The following DHX33 variants were observed in gnomAD, a reference collection of about 807,000 sequenced individuals.
DHX33 encodes the protein DEAH-box helicase 33.
A neutral mutation model predicts 72.5 loss-of-function variants in DHX33; 42 were observed. The ratio of observed to expected loss-of-function variants is 0.58; its 90% CI spans 0.45 to 0.75. The LOEUF is 0.75. Ranked by LOEUF, DHX33 falls within the 30% of genes least tolerant of loss-of-function variation. The probability of loss-of-function intolerance (pLI) is 0.00; values close to 1 mark genes in which losing one functional copy is unlikely to be tolerated. For missense variants in DHX33, 842 were observed against 917.5 expected, an observed-to-expected ratio of 0.92 and a Z score of 1.06; for synonymous variants, 358 against 366.1, an observed-to-expected ratio of 0.98 and a Z score of 0.25.
At position 5,453,629 on chromosome 17, in the gene DHX33, C is replaced by T; in HGVS notation, c.1347G>A (p.Met449Ile). 1.2e-6 allele frequency: 2 copies of T among 1,614,186 alleles called. No individual in the cohort carries two copies. Among genetic ancestry groups the T allele is most frequent in the Non-Finnish European group, 1.7e-6 (2 of 1,180,034 alleles). ...CAAAGGTGAGCACATTTGGGACTTT[C>T]ATTGCTAGAAGCTGAAGCATCACAC... The part of the protein sequence containing the change: ...LASVMLQLLA[M>I]KVPNVLTFDF... The change falls in exon 8 of 12, where the codon ATG becomes ATA. Residue 449 changes from methionine (M) to isoleucine (I), a missense_variant. Met to Ile is a conservative substitution (Grantham distance 10, BLOSUM62 1). Coordinates refer to ENST00000225296, the MANE Select transcript of DHX33 (RefSeq NM_020162.4).
chr17:5,468,482 CG>C lies in DHX33; in HGVS notation c.289+88del, dbSNP rs535271534. The C allele has an allele frequency of 1.4e-4, 202 of 1,464,254 alleles. No individual in the cohort carries two copies. In the African/African-American group the frequency reaches 2.6e-3, roughly 19 times the overall value. 90.7% of individuals were successfully genotyped at this position (1,464,254 alleles called of 1,614,324 possible). On this transcript the variant is annotated intron_variant, in intron 1 of 11. Transcript: ENST00000225296. Reference sequence around the variant, plus strand: ...TATTCAGGTTTGTTGAAGCCACGAACGAAAGGGATTGAGAGGCATGTAAGAA... The same window carrying C: ...TATTCAGGTTTGTTGAAGCCACGAACAAAGGGATTGAGAGGCATGTAAGAA...
Position 5,453,668 on chromosome 17 carries a change from C to T in DHX33, c.1308G>A (p.Arg436=). The change falls in exon 8 of 12, where the codon AGG becomes AGA. Residue 436 remains arginine, a splice_region_variant and synonymous_variant. Coordinates refer to ENST00000225296, the MANE Select transcript of DHX33 (RefSeq NM_020162.4). ...GAAGCATCACACTGGCCAGGTTACA[C>T]CTGTGAAGAGCATGAGACCAGGGTC... is the stretch of plus-strand genomic sequence containing the variant. The part of the protein sequence containing the change: ...FDKMTVPEIQ[R]CNLASVMLQL... 1 of 1,614,160 alleles carries T rather than the reference C, an allele frequency of 6.2e-7. No individual in the cohort carries two copies. The highest frequency in any genetic ancestry group is 8.5e-7 in the Non-Finnish European group (1 of 1,180,022).
chr17:5,451,422 T>C lies in DHX33; in HGVS notation c.1397-488A>G, dbSNP rs185301094. The stretch of plus-strand genomic sequence containing the variant: ...GCCCAGCCTCAATTTTCTTTTTAAA[T>C]GACCTGTAATTTGGCAATATGTATG... On this transcript the variant is annotated intron_variant, in intron 8 of 11. Coordinates refer to ENST00000225296, the MANE Select transcript of DHX33 (RefSeq NM_020162.4). 5.3e-5 allele frequency among the ~76,000 whole-genome samples: 8 copies of C among 152,250 alleles called. No individual in the cohort carries two copies. In the East Asian group the frequency reaches 1.5e-3, roughly 29 times the overall value.
chr17:5,451,937 A>G (rs1255919986), intron 8 of DHX33, among the ~76,000 whole-genome samples: 8 of 152,236 alleles, frequency 5.3e-5, no homozygotes, highest in Admixed American at 5.2e-4. Context: ...CGCTTACTCA[A>G]GAATAACTAA....
intron 1 of DHX33, among the ~76,000 whole-genome samples, chr17:5,465,964 A>G (rs1904861944): frequency 6.6e-6 from 1 of 152,082 alleles, no homozygotes; most frequent in Admixed American, 6.6e-5. Context: ...CTCCTCTTCC[A>G]GACCAGCCCT....
intron 4 of DHX33, among the ~76,000 whole-genome samples, chr17:5,457,192 C>T (rs2151688471): frequency 6.6e-6 from 1 of 152,304 alleles, no homozygotes. Flanking sequence ...CCTGTAATCC[C>T]AGCTACTCAG....
chr17:5,460,876 T>C (rs1255220595), intron 4 of DHX33, 63 bp downstream of exon 4: 9 of 1,533,266 alleles, frequency 5.9e-6, no homozygotes, highest in Non-Finnish European at 8.0e-6. Context: ...CAAGGCTCAA[T>C]GTTCTCACTA....
chr17:5,446,940 A>T (rs1188628790), intron 11 of DHX33, among the ~76,000 whole-genome samples: 1 of 152,228 alleles, frequency 6.6e-6, no homozygotes, highest in Non-Finnish European at 1.5e-5. Flanking sequence ...ATGAGAAGAA[A>T]CAGCTCTAGT....
rs77195858 is a variant in DHX33 at position 5,443,126 on chromosome 17, C to G, written c.*1079G>C. ...CTTCACTGAACTGCCCCCCACCCCC[C>G]CCGCCCACACACCAAAAAAGATACA... On this transcript the variant is annotated 3_prime_UTR_variant, in exon 12 of 12. Coordinates refer to ENST00000225296, the MANE Select transcript of DHX33 (RefSeq NM_020162.4). 2.8e-5 allele frequency: 4 copies of G among 144,138 alleles called. No individual in the cohort carries two copies. Among genetic ancestry groups the G allele is most frequent in the African/African-American group, 7.7e-5 (3 of 38,750 alleles). 8.9% of individuals were successfully genotyped at this position (144,138 alleles called of 1,614,324 possible).
chr17:5,454,322 C>T (rs978400732), intron 6 of DHX33, among the ~76,000 whole-genome samples: 3 of 152,054 alleles, frequency 2.0e-5, no homozygotes, highest in East Asian at 3.8e-4. Context: ...CCTGGGATGT[C>T]GGATTTTGGG....
chr17:5,447,504 G>A (rs1348520724), intron 11 of DHX33, among the ~76,000 whole-genome samples: 2 of 152,178 alleles, frequency 1.3e-5, no homozygotes, highest in East Asian at 1.9e-4. Context: ...CATGCCTGTA[G>A]TCCCAGCTAC....
chr17:5,460,968 C>CG lies in DHX33; in HGVS notation c.819dup (p.Ala274ArgfsTer85), dbSNP rs764037254. ...TGGATCTGGAAGACGGAGACAAGCG[C>CG]GGCGTGCAGGTAATCATTCTGAGGC... On this transcript the variant is annotated frameshift_variant, in exon 4 of 12. Transcript: ENST00000225296. LOFTEE classifies it high-confidence loss of function. 6.2e-7 allele frequency: 1 copy of CG among 1,613,568 alleles called. No individual in the cohort carries two copies. Among genetic ancestry groups the CG allele is most frequent in the South Asian group, 1.1e-5 (1 of 91,014 alleles).
At chr17:5,455,490 T>C (rs1018457629) in intron 5 of DHX33, among the ~76,000 whole-genome samples, 1 of 152,064 alleles carries the variant, frequency 6.6e-6, no homozygotes, top group Non-Finnish European at 1.5e-5. Context: ...TGAGATGCAG[T>C]GGAACAAGCA....
At chr17:5,464,374 A>C (rs754005282) in intron 1 of DHX33, among the ~76,000 whole-genome samples, 25 of 152,250 alleles carry the variant, frequency 1.6e-4, no homozygotes, top group Non-Finnish European at 1.3e-4. Flanking sequence ...AAATTTCACC[A>C]AACAAACAGC....
intron 1 of DHX33, 142 bp downstream of exon 1, chr17:5,468,428 GC>G: frequency 8.8e-7 from 1 of 1,131,220 alleles, no homozygotes; most frequent in South Asian, 1.6e-5. Context: ...CTTCTTCGAG[GC>G]CCCTCTCCAG....
chr17:5,449,166 A>C (rs1916783591), intron 10 of DHX33, among the ~76,000 whole-genome samples: 1 of 152,252 alleles, frequency 6.6e-6, no homozygotes, highest in African/African-American at 2.4e-5. Context: ...GGTGCCAAAA[A>C]GAAACGTAGG....
rs1399327637 is a variant in DHX33 at position 5,444,452 on chromosome 17, T to C, written c.1877A>G (p.His626Arg). 6.2e-7 allele frequency: 1 copy of C among 1,614,190 alleles called. No individual in the cohort carries two copies. The highest frequency in any genetic ancestry group is 8.5e-7 in the Non-Finnish European group (1 of 1,180,040). ...DVESVRRCLA[H>R]SLFMSTAELQ... ...CTCGGCGGTGCTCATGAAGAGGCTG[T>C]GAGCCAGGCAGCGGCGGACACTCTC... The change falls in exon 12 of 12, where the codon CAC (histidine) becomes CGC (arginine). Residue 626 changes from histidine (H) to arginine (R), a missense_variant. Coordinates refer to ENST00000225296, the MANE Select transcript of DHX33 (RefSeq NM_020162.4). The surrounding 1 kb of genome is among the most constrained non-coding windows in gnomAD (Gnocchi z 4.9).
intron 2 of DHX33, among the ~76,000 whole-genome samples, chr17:5,462,893 C>T (rs1217115684): frequency 6.6e-6 from 1 of 151,980 alleles, no homozygotes; most frequent in Non-Finnish European, 1.5e-5. Flanking sequence ...GCCTGACCAA[C>T]ATGCTGAAAT....
chr17:5,468,780 G>C lies in DHX33; in HGVS notation c.80C>G (p.Pro27Arg), dbSNP rs1904996985. ...CAGCATCACCACTTGCCTCCCGGGA[G>C]GGAAGGACCCAGCGCGGCTCGGAGG... The part of the protein sequence containing the change: ...SGPPSRAGSF[P>R]PGRQVVMLLT... The change falls in exon 1 of 12, where the codon CCT (proline) becomes CGT (arginine). Residue 27 changes from proline (P) to arginine (R), a missense_variant. By Grantham distance (103) the Pro-to-Arg change is moderately radical. Transcript: ENST00000225296. The C allele has an allele frequency of 3.7e-6, 6 of 1,608,348 alleles. No individual in the cohort carries two copies. Among genetic ancestry groups the C allele is most frequent in the Non-Finnish European group, 5.1e-6 (6 of 1,177,790 alleles).
Sources: allele counts gnomAD v4.1 joint callset (sites outside exome capture counted in the v4.1 genomes callset), GRCh38; gene constraint gnomAD v4.1.1; non-coding constraint Gnocchi (gnomAD v3.1); transcripts MANE v1.5; gene names NCBI Gene and HGNC (gene_info 2026-07-23, HGNC 2026-07-21).